ASCC3: variants seen among roughly 807,000 people sequenced by gnomAD.
ASCC3 encodes the protein activating signal cointegrator 1 complex subunit 3, also known as ASC-1 complex subunit P200.
ASCC3 carries 158 observed loss-of-function variants against 256.3 expected under a neutral mutation model. The ratio of observed to expected loss-of-function variants is 0.62; its 90% CI spans 0.54 to 0.70. The LOEUF is 0.70. Ranked by LOEUF, ASCC3 falls within the 30% of genes least tolerant of loss-of-function variation. ASCC3 has a pLI of 0.00. For missense variants in ASCC3, 2,259 were observed against 2,626.0 expected (o/e 0.86, Z 3.05); for synonymous variants, 948 against 883.4 (o/e 1.07, Z -1.30).
At chr6:100,616,317 A>G (rs763808837) in intron 30 of ASCC3, among the ~76,000 whole-genome samples, 1 of 152,238 alleles carries the variant, frequency 6.6e-6, no homozygotes, top group Non-Finnish European at 1.5e-5. Context: ...CTAGCATCTA[A>G]AAACACTTTA....
At chr6:100,849,133 CAGAT>C (rs1216164013) in intron 3 of ASCC3, among the ~76,000 whole-genome samples, 4 of 152,106 alleles carry the variant, frequency 2.6e-5, no homozygotes, top group African/African-American at 7.2e-5. Context: ...ACAATAAAGA[CAGAT>C]AGCCAATTTA....
rs1304651844 is a variant in ASCC3, at chr6:100,679,747, C to T, written c.2157G>A (p.Met719Ile). 1.9e-6 allele frequency: 3 copies of T among 1,613,208 alleles called. No individual in the cohort carries two copies. The highest frequency in any genetic ancestry group is 2.5e-6 in the Non-Finnish European group (3 of 1,179,576). Residue 719 changes from methionine to isoleucine, a missense_variant, in exon 14 of 42, where the codon ATG becomes ATA. Physicochemically the swap from Met to Ile is conservative, Grantham distance 10 (BLOSUM62 1). Around this residue, in one of 2 missense-constraint regions of ASCC3, gnomAD observed 1,839 missense variants for 2,206.7 expected, o/e 0.83. Coordinates refer to ENST00000369162, the MANE Select transcript of ASCC3 (RefSeq NM_006828.4). Reference protein sequence around the residue: ...LKQVKAGHQVMVFVHARNATV... With the variant: ...LKQVKAGHQVIVFVHARNATV... ...TGGCATTTCGAGCATGTACAAACAC[C>T]ATCACCTGAAAAAAAGGAAAGCAGT...
chr6:100,554,885 A>C (rs1340371631), intron 36 of ASCC3, among the ~76,000 whole-genome samples: 1 of 152,042 alleles, frequency 6.6e-6, no homozygotes, highest in Admixed American at 6.6e-5. Context: ...ATTAAAAACT[A>C]AGTGTGATAT....
chr6:100,855,209 A>C lies in ASCC3; in HGVS notation c.242-6502T>G, dbSNP rs538427583. 4.2e-4 allele frequency among the ~76,000 whole-genome samples: 63 copies of C among 151,544 alleles called. 1 individual carries two copies. In the South Asian group the frequency reaches 0.013, roughly 30 times the overall value. On this transcript the variant is annotated intron_variant, in intron 3 of 41. Coordinates refer to ENST00000369162, the MANE Select transcript of ASCC3 (RefSeq NM_006828.4). The stretch of plus-strand genomic sequence containing the variant: ...GCTCACTGCAGCCTCTGCCTCCTGG[A>C]CTCAAGCCATCCTCCAAACTCAGCC...
At chr6:100,745,200 G>A (rs778714045) in intron 10 of ASCC3, among the ~76,000 whole-genome samples, 10 of 152,190 alleles carry the variant, frequency 6.6e-5, no homozygotes, top group Non-Finnish European at 8.8e-5. Flanking sequence ...GTTGGTGCGC[G>A]CCTATAATCC....
chr6:100,702,618 T>C lies in ASCC3; in HGVS notation c.2151+12844A>G, dbSNP rs1037452047. On this transcript the variant is annotated intron_variant, in intron 13 of 41. Coordinates refer to ENST00000369162, the MANE Select transcript of ASCC3 (RefSeq NM_006828.4). ...TTTATAAAGGGTCTAAGGCCACGCC[T>C]GGTAGAGAAGGAAAATGCTATAAAG... 3.3e-5 allele frequency among the ~76,000 whole-genome samples: 5 copies of C among 152,146 alleles called. No individual in the cohort carries two copies. In the East Asian group the frequency reaches 7.7e-4, roughly 24 times the overall value.
intron 25 of ASCC3, among the ~76,000 whole-genome samples, chr6:100,637,919 T>C (rs1340923600): frequency 1.3e-5 from 2 of 152,212 alleles, no homozygotes; most frequent in Non-Finnish European, 2.9e-5. Context: ...ACAAAGATAC[T>C]GTGACCATTG....
chr6:100,747,686 C>T (rs1410776468), intron 10 of ASCC3, among the ~76,000 whole-genome samples: 1 of 152,020 alleles, frequency 6.6e-6, no homozygotes, highest in Non-Finnish European at 1.5e-5. Flanking sequence ...GTAAACAAAT[C>T]TGTAGTCACA....
rs1448601718 is a variant in ASCC3 at position 100,749,893 on chromosome 6, AAATT to A, written c.1737+16668_1737+16671del. Among the ~76,000 whole-genome samples the A allele has an allele frequency of 1.3e-4, 20 of 151,810 alleles. 1 individual carries two copies. Among genetic ancestry groups the A allele is most frequent in the African/African-American group, 4.3e-4 (18 of 41,552 alleles). ...ATTATGTCAAATAATTTTACATATAAAATTAATATTTAATGTGTAAAATATAAAT... is the reference window on the plus strand; with the variant it reads ...ATTATGTCAAATAATTTTACATATAAAATATTTAATGTGTAAAATATAAAT... On this transcript the variant is annotated intron_variant, in intron 10 of 41. Coordinates refer to ENST00000369162, the MANE Select transcript of ASCC3 (RefSeq NM_006828.4).
At chr6:100,676,702 T>C (rs1419121671) in intron 14 of ASCC3, among the ~76,000 whole-genome samples, 1 of 152,164 alleles carries the variant, frequency 6.6e-6, no homozygotes, top group African/African-American at 2.4e-5. Context: ...AGCTAAGGCA[T>C]AGAAATAGCC....
intron 36 of ASCC3, among the ~76,000 whole-genome samples, chr6:100,578,836 C>T (rs144460413): frequency 1.7e-3 from 252 of 152,114 alleles, no homozygotes; most frequent in Middle Eastern, 3.4e-3. Flanking sequence ...TTTGAGAAAT[C>T]GACACACTGC....
chr6:100,835,055 T>C (rs1260733728), intron 4 of ASCC3, among the ~76,000 whole-genome samples: 1 of 151,152 alleles, frequency 6.6e-6, no homozygotes. Flanking sequence ...ATATAATGCA[T>C]CAGTGCCTAC....
chr6:100,636,707 C>G (rs1196443610), intron 25 of ASCC3, among the ~76,000 whole-genome samples: 1 of 152,204 alleles, frequency 6.6e-6, no homozygotes. Context: ...AGTGCTACTT[C>G]ATTGAACACA....
chr6:100,727,436 G>A (rs966319475), intron 10 of ASCC3, among the ~76,000 whole-genome samples: 16 of 151,872 alleles, frequency 1.1e-4, no homozygotes, highest in South Asian at 6.3e-4. Context: ...CCTCCGAGAG[G>A]AATGAGTTTG....
rs1202135214 is a variant in ASCC3 at position 100,647,335 on chromosome 6, C to A, written c.3369G>T (p.Trp1123Cys). 2 of 1,613,740 alleles carry A rather than the reference C, an allele frequency of 1.2e-6. No homozygotes were observed. The highest frequency in any genetic ancestry group is 2.7e-5 in the African/African-American group (2 of 74,838). Reference protein sequence around the residue: ...SKVIDKRLWGWASPLRQFSIL... With the variant: ...SKVIDKRLWGCASPLRQFSIL... ...TTGAAAATTGTCTCAAAGGGCTAGC[C>A]CAACCCCAAAGCCTCTTGTCAATGA... is the stretch of plus-strand genomic sequence containing the variant. Residue 1123 changes from tryptophan (W) to cysteine (C), a missense_variant, in exon 21 of 42, where the codon TGG becomes TGT. Transcript: ENST00000369162.
At chr6:100,808,314 T>G (rs530833614) in intron 4 of ASCC3, among the ~76,000 whole-genome samples, 4 of 151,914 alleles carry the variant, frequency 2.6e-5, no homozygotes, top group Admixed American at 2.6e-4. Context: ...ATGAGACCAA[T>G]AGATTTTCAC....
intron 4 of ASCC3, among the ~76,000 whole-genome samples, chr6:100,842,084 A>G (rs9377236): frequency 0.35 from 52,775 of 152,026 alleles, 10,744 homozygotes; most frequent in Middle Eastern, 0.49. Flanking sequence ...ACCAATACAT[A>G]TTGGTCCTCA....
At chr6:100,601,566 C>T (rs1014977709) in intron 34 of ASCC3, among the ~76,000 whole-genome samples, 30 of 151,974 alleles carry the variant, frequency 2.0e-4, no homozygotes, top group African/African-American at 7.2e-4. Flanking sequence ...GTCTCAATTA[C>T]AGAGCAAACT....
chr6:100,608,645 C>T (rs1773174045), intron 30 of ASCC3, among the ~76,000 whole-genome samples: 7 of 1,964 alleles, frequency 3.6e-3, no homozygotes, highest in South Asian at 0.024. Context: ...TATATATATA[C>T]TTTATATATA....
Sources: allele counts gnomAD v4.1 joint callset (sites outside exome capture counted in the v4.1 genomes callset), GRCh38; gene constraint gnomAD v4.1.1; regional missense constraint gnomAD v4.1.1; transcripts MANE v1.5; gene names NCBI Gene and HGNC (gene_info 2026-07-23, HGNC 2026-07-21).